Variants in ZFX observed in about 807,000 individuals in gnomAD.
ZFX encodes the protein zinc finger X-chromosomal protein.
For synonymous variants in ZFX, 196 were observed against 226.8 expected, an observed-to-expected ratio of 0.86 and a Z score of 1.22; for missense variants, 362 against 628.3, an observed-to-expected ratio of 0.58 and a Z score of 4.53.
upstream of ZFX, chrX:24,149,508 G>C: frequency 8.9e-6 from 1 of 111,840 alleles, no homozygotes; most frequent in Non-Finnish European, 1.9e-5. Context: ...GGGCTCCCCG[G>C]TCGCGGGGCG....
intron 5 of ZFX, among the ~76,000 whole-genome samples, chrX:24,180,530 C>CA (rs1935593210): frequency 9.1e-6 from 1 of 110,211 alleles, no homozygotes; most frequent in Non-Finnish European, 1.9e-5. Flanking sequence ...TGTAGGCACG[C>CA]ACCACCACGC....
chrX:24,185,432 A>T (rs1190262975), intron 5 of ZFX, among the ~76,000 whole-genome samples: 23 of 112,093 alleles, frequency 2.1e-4, no homozygotes. Flanking sequence ...CAGCAAAGAT[A>T]CTTAATGATG....
intron 9 of ZFX, 98 bp downstream of exon 9, chrX:24,209,138 G>C: frequency 8.9e-7 from 1 of 1,129,315 alleles, no homozygotes; most frequent in Non-Finnish European, 1.2e-6. Context: ...CATTTTAGCT[G>C]CTAGACCATA....
intron 3 of ZFX, among the ~76,000 whole-genome samples, chrX:24,159,993 A>C (rs1258789613): frequency 9.0e-6 from 1 of 111,492 alleles, no homozygotes; most frequent in Non-Finnish European, 1.9e-5. Context: ...ATTATAAAAT[A>C]CAGATTTCCC....
chrX:24,198,299 C>T (rs933670603), intron 5 of ZFX, among the ~76,000 whole-genome samples: 1 of 111,136 alleles, frequency 9.0e-6, no homozygotes, highest in Admixed American at 9.5e-5. Flanking sequence ...ACCTCCTGGG[C>T]TGAAGTGATC....
chrX:24,161,226 T>C (rs1268483608), intron 3 of ZFX, among the ~76,000 whole-genome samples: 1 of 112,212 alleles, frequency 8.9e-6, no homozygotes, highest in Non-Finnish European at 1.9e-5. Context: ...AAAGAAGACC[T>C]AAATTAATGG....
At chrX:24,172,843 G>C in intron 4 of ZFX, 43 bp downstream of exon 4, 1 of 1,121,287 alleles carries the variant, frequency 8.9e-7, no homozygotes, top group Non-Finnish European at 1.2e-6. Context: ...TACCAGATTT[G>C]GAGTTGGTTG....
chrX:24,177,475 G>A (rs1044382789), intron 4 of ZFX, among the ~76,000 whole-genome samples: 5 of 110,551 alleles, frequency 4.5e-5, no homozygotes, highest in South Asian at 3.8e-4. Flanking sequence ...GGTCTAGGGG[G>A]ACGGGAGGAG....
intron 3 of ZFX, among the ~76,000 whole-genome samples, chrX:24,156,341 G>GT (rs2147247874): frequency 9.0e-6 from 1 of 111,691 alleles, no homozygotes; most frequent in East Asian, 2.8e-4. Context: ...CCAGTTCTCA[G>GT]TTTTTTTCAT....
At chrX:24,160,101 A>G (rs1933111436) in intron 3 of ZFX, among the ~76,000 whole-genome samples, 1 of 109,896 alleles carries the variant, frequency 9.1e-6, no homozygotes, top group Non-Finnish European at 1.9e-5. Flanking sequence ...TAACATAGTT[A>G]TTTTTATTGA....
In ZFX at chrX:24,213,653, G is replaced by A. The variant is rs1279298131; in HGVS notation, c.*2277G>A. 1.0e-5 allele frequency: 1 copy of A among 100,394 alleles called. No homozygotes were observed. The highest frequency in any genetic ancestry group is 3.0e-4 in the East Asian group (1 of 3,301). 8.3% of individuals were successfully genotyped at this position (100,394 alleles called of 1,213,427 possible). On this transcript the variant is annotated 3_prime_UTR_variant, in exon 10 of 10. Coordinates refer to ENST00000304543, the MANE Select transcript of ZFX (RefSeq NM_003410.4). ...CTAGCCTATCTTATAGGAAATTCCT[G>A]TACCTTCTTGGCCCCCATAATGTGT...
chrX:24,171,238 A>G (rs1354326219), intron 3 of ZFX, among the ~76,000 whole-genome samples: 1 of 111,233 alleles, frequency 9.0e-6, no homozygotes, highest in Non-Finnish European at 1.9e-5. Context: ...GTGGGGAAGG[A>G]GATTTAGAGG....
Position 24,208,291 on chromosome X carries a change from AGCC to A in ZFX, c.1022_1024del (p.Ala341del), listed in dbSNP as rs1937760912. ...AGGAGGATGCTGCAGCAGCAGCGGC[AGCC>A]GCCGCCGTGCACGAGCAGCAAATGG... On this transcript the variant is annotated inframe_deletion, in exon 8 of 10. Transcript: ENST00000304543. The A allele has an allele frequency of 1.7e-6, 2 of 1,209,650 alleles. No homozygotes were observed. Among genetic ancestry groups the A allele is most frequent in the African/African-American group, 1.7e-5 (1 of 57,591 alleles).
At chrX:24,169,154 A>G (rs34067818) in intron 3 of ZFX, among the ~76,000 whole-genome samples, 11 of 111,752 alleles carry the variant, frequency 9.8e-5, no homozygotes, top group Non-Finnish European at 1.7e-4. Context: ...TTTTGTAATG[A>G]CAAAACCGAA....
At chrX:24,162,141 T>C (rs775356296) in intron 3 of ZFX, among the ~76,000 whole-genome samples, 1 of 110,771 alleles carries the variant, frequency 9.0e-6, no homozygotes, top group Admixed American at 9.6e-5. Flanking sequence ...GGCAGGAGAA[T>C]CGCTTGAACC....
Position 24,212,931 on chromosome X carries a change from T to C in ZFX, c.*1555T>C. On this transcript the variant is annotated 3_prime_UTR_variant, in exon 10 of 10. Coordinates refer to ENST00000304543, the MANE Select transcript of ZFX (RefSeq NM_003410.4). ...TTTTTCTTAAGACGGAGTCTTGCTC[T>C]GTTGCCCAGGCTGGACTGCAGTGGT... The C allele has an allele frequency of 9.0e-6, 1 of 110,798 alleles. No homozygotes were observed. Among genetic ancestry groups the C allele is most frequent in the Non-Finnish European group, 1.9e-5 (1 of 52,900 alleles). The allele number at this position is 110,798 out of a possible 1,213,427, so 9.1% of individuals were successfully genotyped here.
Position 24,210,434 on chromosome X carries a change from G to A in ZFX, c.1476G>A (p.Glu492=), listed in dbSNP as rs1304660335. The A allele has an allele frequency of 1.6e-6, 2 of 1,212,196 alleles. No individual in the cohort carries two copies. The highest frequency in any genetic ancestry group is 2.2e-5 in the Admixed American group (1 of 46,069). Residue 492 remains glutamate (E), a synonymous_variant, in exon 10 of 10, where the codon GAG becomes GAA. Coordinates refer to ENST00000304543, the MANE Select transcript of ZFX (RefSeq NM_003410.4). The stretch of plus-strand genomic sequence containing the variant: ...CAGAGAAGGCCATTGAATGCGATGA[G>A]TGTGGGAAGCATTTCTCTCATGCAG... ...SKAEKAIECD[E]CGKHFSHAGA... is the part of the protein sequence containing the mutation.
At chrX:24,180,835 A>G (rs916026989) in intron 5 of ZFX, among the ~76,000 whole-genome samples, 15 of 112,336 alleles carry the variant, frequency 1.3e-4, no homozygotes, top group African/African-American at 4.8e-4. Context: ...TGATGGATTC[A>G]TATTAGGTTA....
chrX:24,176,389 T>C (rs1184156559), intron 4 of ZFX, among the ~76,000 whole-genome samples: 2 of 109,016 alleles, frequency 1.8e-5, no homozygotes, highest in African/African-American at 6.7e-5. Context: ...AAAATAGATA[T>C]TAGTTGACTT....
Sources: allele counts gnomAD v4.1 joint callset (sites outside exome capture counted in the v4.1 genomes callset), GRCh38; gene constraint gnomAD v4.1.1; transcripts MANE v1.5; gene names NCBI Gene and HGNC (gene_info 2026-07-23, HGNC 2026-07-21).